SCRG1: variants seen among roughly 807,000 people sequenced by gnomAD.
The protein encoded by SCRG1 is stimulator of chondrogenesis 1, also known as scrapie-responsive protein 1.
In SCRG1, 3 loss-of-function variants were observed where a neutral mutation model predicts 7.7. That is an observed-to-expected ratio of 0.39 (90% CI 0.18 to 1.01). SCRG1 has a LOEUF of 1.01. SCRG1 is among the 50% of genes least tolerant of loss of function. SCRG1 has a pLI of 0.36. For missense variants in SCRG1, 110 were observed against 117.2 expected, an observed-to-expected ratio of 0.94 and a Z score of 0.28; for synonymous variants, 46 against 41.2, an observed-to-expected ratio of 1.12 and a Z score of -0.44.
the SCRG1 span, among the ~76,000 whole-genome samples, chr4:173,502,479 C>A: frequency 1.7e-3 from 262 of 152,260 alleles, no homozygotes; most frequent in African/African-American, 6.2e-3. The surrounding 1 kb of genome is among the most constrained non-coding windows in gnomAD (Gnocchi z 4.6). Flanking sequence ...CAATAAAGTT[C>A]ATGTGACGGA....
At chr4:173,438,574 A>G in the SCRG1 span, among the ~76,000 whole-genome samples, 4 of 150,680 alleles carry the variant, frequency 2.7e-5, no homozygotes, top group African/African-American at 9.6e-5. Flanking sequence ...CATATTGATC[A>G]ATCAATGACT....
chr4:173,412,631 C>G, the SCRG1 span, among the ~76,000 whole-genome samples: 2 of 152,182 alleles, frequency 1.3e-5, no homozygotes, highest in African/African-American at 4.8e-5. Flanking sequence ...TGCTATAATC[C>G]TGAGTCTGTG....
the SCRG1 span, among the ~76,000 whole-genome samples, chr4:173,449,435 CTTTTT>C: frequency 6.9e-5 from 8 of 115,924 alleles, no homozygotes; most frequent in Non-Finnish European, 1.1e-4. Context: ...CATGATAAAT[CTTTTT>C]TTTTTTTTTT....
the SCRG1 span, among the ~76,000 whole-genome samples, chr4:173,432,572 C>G: frequency 6.6e-6 from 1 of 152,084 alleles, no homozygotes; most frequent in Non-Finnish European, 1.5e-5. Flanking sequence ...TGGCCTCAGC[C>G]CATGTGTCTA....
the SCRG1 span, among the ~76,000 whole-genome samples, chr4:173,479,442 T>G: frequency 2.1e-5 from 3 of 143,932 alleles, no homozygotes; most frequent in African/African-American, 2.5e-5. Flanking sequence ...TTTGTTTTTT[T>G]GTTTTTTTTT....
At chr4:173,481,956 G>C in the SCRG1 span, among the ~76,000 whole-genome samples, 2 of 152,028 alleles carry the variant, frequency 1.3e-5, no homozygotes, top group African/African-American at 2.4e-5. Flanking sequence ...TGTTGTTCAA[G>C]AGTCAACTTT....
chr4:173,451,548 A>C, the SCRG1 span, among the ~76,000 whole-genome samples: 1 of 151,878 alleles, frequency 6.6e-6, no homozygotes, highest in African/African-American at 2.4e-5. Flanking sequence ...CCTCAACTCT[A>C]TCTCTAATGG....
At chr4:173,485,980 A>G in the SCRG1 span, among the ~76,000 whole-genome samples, 1 of 152,138 alleles carries the variant, frequency 6.6e-6, no homozygotes, top group African/African-American at 2.4e-5. Context: ...AAAAACAACA[A>G]AAAAAATTGT....
chr4:173,474,152 CAT>C, the SCRG1 span, among the ~76,000 whole-genome samples: 1 of 152,034 alleles, frequency 6.6e-6, no homozygotes, highest in Non-Finnish European at 1.5e-5. Flanking sequence ...GCCTGGGTGA[CAT>C]AGCGAGTTTC....
chr4:173,459,274 T>A, the SCRG1 span, among the ~76,000 whole-genome samples: 1 of 152,212 alleles, frequency 6.6e-6, no homozygotes, highest in Non-Finnish European at 1.5e-5. Context: ...CAACAGGCAT[T>A]TACAGAACAC....
chr4:173,415,774 A>T, the SCRG1 span, among the ~76,000 whole-genome samples: 2 of 152,188 alleles, frequency 1.3e-5, no homozygotes, highest in African/African-American at 4.8e-5. Flanking sequence ...TCTTCTGGTC[A>T]GTTTTATACA....
intron 1 of SCRG1, among the ~76,000 whole-genome samples, chr4:173,398,635 T>C (rs1739669505): frequency 6.6e-6 from 1 of 152,212 alleles, no homozygotes; most frequent in African/African-American, 2.4e-5. Context: ...GCAAAAAACA[T>C]TTTCTTTCTT....
At chr4:173,450,634 C>A in the SCRG1 span, among the ~76,000 whole-genome samples, 543 of 152,210 alleles carry the variant, frequency 3.6e-3, 2 homozygotes, top group African/African-American at 0.012. Flanking sequence ...CCTTGACGGT[C>A]CCTTAGTCTT....
At chr4:173,460,013 G>A in the SCRG1 span, among the ~76,000 whole-genome samples, 5 of 152,176 alleles carry the variant, frequency 3.3e-5, no homozygotes, top group African/African-American at 1.2e-4. Context: ...GGGGCAAGAT[G>A]GCGGAATAGA....
the SCRG1 span, among the ~76,000 whole-genome samples, chr4:173,431,047 A>T: frequency 1.8e-4 from 28 of 152,324 alleles, no homozygotes; most frequent in African/African-American, 6.5e-4. Context: ...TCATGGGTTC[A>T]GTAGAAGCCC....
the SCRG1 span, among the ~76,000 whole-genome samples, chr4:173,489,664 C>T: frequency 1.2e-3 from 182 of 152,268 alleles, no homozygotes; most frequent in Admixed American, 3.0e-3. Flanking sequence ...GACATTCTAC[C>T]TCTTCACTTG....
the SCRG1 span, among the ~76,000 whole-genome samples, chr4:173,499,014 T>C: frequency 6.6e-6 from 1 of 152,212 alleles, no homozygotes; most frequent in Non-Finnish European, 1.5e-5. This position sits in a 1 kb window ranked among gnomAD's most constrained non-coding sequence, Gnocchi z 4.1. Context: ...AGCATCAGGA[T>C]TGCCTTAGAA....
chr4:173,488,456 G>A, the SCRG1 span, among the ~76,000 whole-genome samples: 2 of 152,142 alleles, frequency 1.3e-5, no homozygotes, highest in South Asian at 4.1e-4. Flanking sequence ...TGCTTTTCTT[G>A]AATGTTCACT....
chr4:173,488,504 T>C, the SCRG1 span, among the ~76,000 whole-genome samples: 2 of 152,176 alleles, frequency 1.3e-5, no homozygotes, highest in African/African-American at 4.8e-5. Context: ...CGTTCTAAAA[T>C]TCTAGTTCTT....
Sources: gnomAD v4.1 joint callset for allele counts (sites outside exome capture counted in the v4.1 genomes callset) on GRCh38, gnomAD v4.1.1 for gene constraint, Gnocchi (gnomAD v3.1) non-coding constraint, MANE v1.5 for transcripts, NCBI Gene and HGNC (gene_info 2026-07-23, HGNC 2026-07-21) for gene names.